Variants in DLGAP2 observed in about 807,000 individuals in gnomAD.
DLGAP2 encodes disks large-associated protein 2.
DLGAP2 carries 26 observed loss-of-function variants against 100.3 expected under a neutral mutation model. The observed-to-expected ratio is 0.26, with a 90% CI of 0.19 to 0.36. The LOEUF (loss-of-function observed/expected upper bound fraction) is 0.36, where lower values mean the gene tolerates loss of function less well. DLGAP2 is among the 10% of genes least tolerant of loss of function. DLGAP2 has a pLI of 1.00. For missense variants in DLGAP2, 1,858 were observed against 1,453.2 expected (o/e 1.28, Z -4.53); for synonymous variants, 886 against 630.1 (o/e 1.41, Z -6.08).
intron 3 of DLGAP2, among the ~76,000 whole-genome samples, chr8:1,434,180 G>A (rs554578867): frequency 1.3e-4 from 20 of 152,224 alleles, no homozygotes; most frequent in East Asian, 3.9e-4. Context: ...CAGCTCAGCC[G>A]CTCTCTCTTT....
intron 3 of DLGAP2, among the ~76,000 whole-genome samples, chr8:1,383,817 C>T (rs1008865449): frequency 4.6e-5 from 7 of 152,194 alleles, no homozygotes; most frequent in Non-Finnish European, 8.8e-5. Context: ...CAGCTCCCAG[C>T]GAGCACTTTC....
At chr8:769,792 G>A (rs1821310024) in intron 1 of DLGAP2, among the ~76,000 whole-genome samples, 1 of 152,102 alleles carries the variant, frequency 6.6e-6, no homozygotes, top group Non-Finnish European at 1.5e-5. Context: ...ACAACTCAAT[G>A]GGAACAGAAG....
chr8:1,416,749 G>A (rs950167720), intron 3 of DLGAP2, among the ~76,000 whole-genome samples: 8 of 152,188 alleles, frequency 5.3e-5, no homozygotes, highest in African/African-American at 1.2e-4. Context: ...GGAATCGGAC[G>A]TGTTGGCTGC....
chr8:1,359,659 C>T (rs533668863), intron 3 of DLGAP2, among the ~76,000 whole-genome samples: 5 of 152,216 alleles, frequency 3.3e-5, no homozygotes, highest in Admixed American at 6.5e-5. Context: ...GTGGCGCTGG[C>T]AGATAGCCAT....
At chr8:1,071,973 C>G (rs983766962) in intron 2 of DLGAP2, among the ~76,000 whole-genome samples, 4 of 152,168 alleles carry the variant, frequency 2.6e-5, no homozygotes, top group African/African-American at 9.7e-5. Context: ...CGTGGTTTCT[C>G]GTCAGTGTGC....
intron 6 of DLGAP2, among the ~76,000 whole-genome samples, chr8:1,610,144 C>A (rs946938434): frequency 2.6e-5 from 4 of 151,944 alleles, no homozygotes; most frequent in African/African-American, 7.3e-5. Flanking sequence ...GGAAGTAAAG[C>A]TCTCCTCAGC....
chr8:1,437,626 T>C (rs1031348796), intron 3 of DLGAP2, among the ~76,000 whole-genome samples: 10 of 152,076 alleles, frequency 6.6e-5, no homozygotes, highest in African/African-American at 2.2e-4. Flanking sequence ...GGAAAAGTTA[T>C]TTCCCCTCCA....
chr8:803,483 C>G (rs1437671186), intron 1 of DLGAP2, among the ~76,000 whole-genome samples: 1 of 151,872 alleles, frequency 6.6e-6, no homozygotes, highest in Non-Finnish European at 1.5e-5. Context: ...TGCTCCTGTC[C>G]ATGGGGAAAT....
intron 3 of DLGAP2, among the ~76,000 whole-genome samples, chr8:1,488,689 G>A (rs1234750166): frequency 6.6e-6 from 1 of 152,188 alleles, no homozygotes; most frequent in Admixed American, 6.5e-5. Context: ...GAGTAGTTGT[G>A]GGATTTTAAT....
chr8:1,275,675 G>C (rs897579556), intron 3 of DLGAP2, among the ~76,000 whole-genome samples: 12 of 144,780 alleles, frequency 8.3e-5, no homozygotes, highest in Non-Finnish European at 1.0e-4. Flanking sequence ...CTTTGTCCCT[G>C]TATGAGTCAT....
At chr8:1,481,721 AC>A (rs1216169905) in intron 3 of DLGAP2, among the ~76,000 whole-genome samples, 1 of 151,528 alleles carries the variant, frequency 6.6e-6, no homozygotes, top group Non-Finnish European at 1.5e-5. Flanking sequence ...CAGGTGATCC[AC>A]CCGCCTCAGC....
rs187632290 is a variant in DLGAP2, at chr8:1,562,605, C to T, written c.1231-3078C>T. Among the ~76,000 whole-genome samples, 198 of 46,816 alleles carry T rather than the reference C, an allele frequency of 4.2e-3. 17 individuals are homozygous for T. The highest frequency in any genetic ancestry group is 0.019 in the African/African-American group (189 of 10,086). The allele number at this position is 46,816 out of a possible 152,430, so 30.7% of individuals were successfully genotyped here. On this transcript the variant is annotated intron_variant, in intron 5 of 14. Coordinates refer to ENST00000637795, the MANE Select transcript of DLGAP2 (RefSeq NM_001346810.2). ...TGTGTGGTGTTGGGTGTCCGCGCCT[C>T]GTTGCTCGGGGACTGTGTGGTGTTG...
intron 6 of DLGAP2, among the ~76,000 whole-genome samples, chr8:1,586,302 T>G (rs1796117335): frequency 6.6e-6 from 1 of 152,216 alleles, no homozygotes; most frequent in South Asian, 2.1e-4. Flanking sequence ...GTGTCCTTGT[T>G]GTCAGCTGAA....
intron 3 of DLGAP2, among the ~76,000 whole-genome samples, chr8:1,342,004 G>A (rs1801429426): frequency 6.6e-6 from 1 of 152,158 alleles, no homozygotes; most frequent in Non-Finnish European, 1.5e-5. Flanking sequence ...GGGCTGGAGT[G>A]CAATGGTGTG....
intron 10 of DLGAP2, among the ~76,000 whole-genome samples, chr8:1,670,472 T>G (rs1479295483): frequency 6.6e-6 from 1 of 152,168 alleles, no homozygotes; most frequent in East Asian, 1.9e-4. Context: ...CGGAGGCCTC[T>G]CTGGACCCCA....
intron 3 of DLGAP2, among the ~76,000 whole-genome samples, chr8:1,305,529 A>G (rs1800469916): frequency 6.6e-6 from 1 of 152,194 alleles, no homozygotes; most frequent in Non-Finnish European, 1.5e-5. Flanking sequence ...GGCCTGAAGG[A>G]CGAATGCAGG....
intron 8 of DLGAP2, among the ~76,000 whole-genome samples, chr8:1,645,241 C>G (rs1221958756): frequency 1.3e-5 from 2 of 152,240 alleles, no homozygotes; most frequent in Non-Finnish European, 2.9e-5. Flanking sequence ...TGAAAATCAT[C>G]CACATTCTGT....
At chr8:748,629 A>G (rs1563410070) in intron 1 of DLGAP2, among the ~76,000 whole-genome samples, 2 of 152,116 alleles carry the variant, frequency 1.3e-5, no homozygotes, top group Non-Finnish European at 2.9e-5. Context: ...GCTTACATAT[A>G]TTGGGTGACA....
rs1801740812 is a variant in DLGAP2, at chr8:1,351,985, G to C, written c.106+93102G>C. 2.6e-5 allele frequency among the ~76,000 whole-genome samples: 2 copies of C among 77,212 alleles called. 1 individual carries two copies. Among genetic ancestry groups the C allele is most frequent in the South Asian group, 1.8e-3 (2 of 1,122 alleles). 50.7% of individuals were successfully genotyped at this position (77,212 alleles called of 152,430 possible). On this transcript the variant is annotated intron_variant, in intron 3 of 14. Transcript: ENST00000637795. ...GAGTGTGTGTGGAAACGCCGTGCGGGTCCTGACTGTGTGTGGAAAGGCCGT... is the reference window on the plus strand; with the variant it reads ...GAGTGTGTGTGGAAACGCCGTGCGGCTCCTGACTGTGTGTGGAAAGGCCGT...
Sources: allele counts gnomAD v4.1 joint callset (sites outside exome capture counted in the v4.1 genomes callset), GRCh38; gene constraint gnomAD v4.1.1; transcripts MANE v1.5; gene names NCBI Gene and HGNC (gene_info 2026-07-23, HGNC 2026-07-21).